Variants in UNC79 observed in about 807,000 individuals in gnomAD.
UNC79 encodes protein unc-79 homolog.
A neutral mutation model predicts 283.1 loss-of-function variants in UNC79; 37 were observed. The ratio of observed to expected loss-of-function variants is 0.13; its 90% CI spans 0.10 to 0.17. The LOEUF is 0.17. UNC79 is among the 10% of genes least tolerant of loss of function. The pLI is 1.00. For missense variants in UNC79, 2,272 were observed against 3,211.1 expected (o/e 0.71, Z 7.07); for synonymous variants, 1,107 against 1,200.2 (o/e 0.92, Z 1.61).
At chr14:93,596,861 C>G (rs2065121103) in intron 23 of UNC79, among the ~76,000 whole-genome samples, 2 of 152,218 alleles carry the variant, frequency 1.3e-5, no homozygotes, top group Admixed American at 6.5e-5. Context: ...GAAGAAATAC[C>G]TGGCTTCGAT....
intron 47 of UNC79, among the ~76,000 whole-genome samples, chr14:93,697,864 A>G (rs1185243173): frequency 6.6e-6 from 1 of 152,196 alleles, no homozygotes; most frequent in African/African-American, 2.4e-5. Flanking sequence ...CTTTTCTAAT[A>G]TAAGTGATTA....
chr14:93,525,609 T>C (rs1263319994), intron 8 of UNC79, among the ~76,000 whole-genome samples: 1 of 152,182 alleles, frequency 6.6e-6, no homozygotes, highest in African/African-American at 2.4e-5. Context: ...TGTGAATTCA[T>C]AGTTTATTCA....
chr14:93,374,650 C>T (rs2054519226), intron 1 of UNC79, among the ~76,000 whole-genome samples: 1 of 152,122 alleles, frequency 6.6e-6, no homozygotes, highest in Non-Finnish European at 1.5e-5. Flanking sequence ...GCGATCCTCC[C>T]ACCTCAGCCT....
intron 5 of UNC79, among the ~76,000 whole-genome samples, chr14:93,490,593 A>G (rs1256729292): frequency 1.3e-5 from 2 of 152,160 alleles, no homozygotes; most frequent in African/African-American, 4.8e-5. Context: ...ACTTTATAGC[A>G]AGGATGGCCT....
At chr14:93,442,789 G>C (rs2056343568) in intron 1 of UNC79, among the ~76,000 whole-genome samples, 1 of 152,110 alleles carries the variant, frequency 6.6e-6, no homozygotes. Flanking sequence ...CCACAATAAA[G>C]ATAAAGACCC....
chr14:93,602,257 C>A (rs538160070), intron 25 of UNC79, among the ~76,000 whole-genome samples: 2 of 152,240 alleles, frequency 1.3e-5, no homozygotes, highest in Admixed American at 1.3e-4. Flanking sequence ...AGCCTTTGAT[C>A]CATCTTGAGT....
At chr14:93,552,259 C>T (rs941586737) in intron 14 of UNC79, among the ~76,000 whole-genome samples, 2 of 152,048 alleles carry the variant, frequency 1.3e-5, no homozygotes, top group East Asian at 3.9e-4. Flanking sequence ...AGAGACATTT[C>T]TATGGAAACA....
At chr14:93,673,618 C>T (rs986475677) in intron 41 of UNC79, among the ~76,000 whole-genome samples, 163 bp downstream of exon 44, 8 of 151,976 alleles carry the variant, frequency 5.3e-5, no homozygotes, top group Admixed American at 1.3e-4. Context: ...ATGCACCTGA[C>T]GCTTCCACTG....
chr14:93,525,216 G>T (rs1248593686), intron 8 of UNC79, among the ~76,000 whole-genome samples: 1 of 152,084 alleles, frequency 6.6e-6, no homozygotes, highest in East Asian at 1.9e-4. Flanking sequence ...AGGCCGAGGC[G>T]GGTGGATTGC....
chr14:93,577,901 T>C lies in UNC79; in HGVS notation c.2271T>C (p.His757=), dbSNP rs753810935. 5 of 1,614,120 alleles carry C rather than the reference T, an allele frequency of 3.1e-6. No homozygotes were observed. The African/African-American group carries it at 4.0e-5, about 13-fold the overall frequency. ...AGCACAATATGCTTAGTCCATTTCA[T>C]AGTCCTTTCCAGAGTCCGTTTCGGA... is the stretch of plus-strand genomic sequence containing the variant. Residue 757 remains histidine, a synonymous_variant, in exon 18 of 49, where the codon CAT becomes CAC. Transcript: ENST00000555664.
At chr14:93,514,207 G>T (rs1449217219) in intron 7 of UNC79, among the ~76,000 whole-genome samples, 1 of 152,104 alleles carries the variant, frequency 6.6e-6, no homozygotes, top group Non-Finnish European at 1.5e-5. Context: ...AGGGAAAAAG[G>T]AAAAGACATT....
intron 1 of UNC79, among the ~76,000 whole-genome samples, chr14:93,420,052 G>A (rs951027274): frequency 2.0e-5 from 3 of 150,756 alleles, no homozygotes. Flanking sequence ...GAAAAGAAGC[G>A]AAGACCACAA....
chr14:93,373,407 GA>G (rs1048200212), intron 1 of UNC79, among the ~76,000 whole-genome samples: 2,148 of 145,306 alleles, frequency 0.015, 23 homozygotes, highest in Middle Eastern at 0.035. Context: ...GGCTATCTGA[GA>G]AAAAAAAAAG....
chr14:93,367,063 G>A (rs1337228273), intron 1 of UNC79, among the ~76,000 whole-genome samples: 1 of 152,006 alleles, frequency 6.6e-6, no homozygotes, highest in African/African-American at 2.4e-5. Context: ...TTATCTGGGA[G>A]GCTTTCATAC....
chr14:93,367,474 A>C lies in UNC79; in HGVS notation c.-351+33951A>C, dbSNP rs571534359. On this transcript the variant is annotated intron_variant, in intron 1 of 49. Coordinates refer to the UNC79 transcript ENST00000256339. Reference sequence around the variant, plus strand: ...ATCAATGCTGTGTGAGAAAAGAAAAAAAAGGGTATTCCTTCAAAATTTAAG... The same window carrying C: ...ATCAATGCTGTGTGAGAAAAGAAAACAAAGGGTATTCCTTCAAAATTTAAG... Among the ~76,000 whole-genome samples, 16 of 152,304 alleles carry C rather than the reference A, an allele frequency of 1.1e-4. No homozygotes were observed. In the South Asian group the frequency reaches 3.1e-3, roughly 30 times the overall value.
At chr14:93,643,968 G>T (rs1265937131) in intron 34 of UNC79, among the ~76,000 whole-genome samples, 1 of 152,180 alleles carries the variant, frequency 6.6e-6, no homozygotes, top group Non-Finnish European at 1.5e-5. Context: ...GTCACTAAAT[G>T]AGCTAATGGT....
intron 34 of UNC79, 120 bp downstream of exon 37, chr14:93,643,817 G>T: frequency 7.1e-7 from 1 of 1,408,954 alleles, no homozygotes; most frequent in South Asian, 1.4e-5. Context: ...TGGTATTTGT[G>T]ACATCAACTC....
At chr14:93,404,493 A>AATATATATATATATAT (rs1445930733) in intron 1 of UNC79, among the ~76,000 whole-genome samples, 6 of 61,470 alleles carry the variant, frequency 9.8e-5, no homozygotes, top group Admixed American at 4.7e-4. Flanking sequence ...TTCTAAAAAA[A>AATATATATATATATAT]ATATATATAT....
intron 1 of UNC79, among the ~76,000 whole-genome samples, chr14:93,340,526 C>T (rs1278122562): frequency 6.7e-6 from 1 of 148,204 alleles, no homozygotes; most frequent in Non-Finnish European, 1.5e-5. Context: ...AGTTTACAAT[C>T]TGTTTATACA....
Sources: gnomAD v4.1 joint callset for allele counts (sites outside exome capture counted in the v4.1 genomes callset) on GRCh38, gnomAD v4.1.1 for gene constraint, MANE v1.5 for transcripts, NCBI Gene and HGNC (gene_info 2026-07-23, HGNC 2026-07-21) for gene names.